The following SNCAIP variants were observed in gnomAD, a reference collection of about 807,000 sequenced individuals.
SNCAIP encodes the protein synphilin-1.
SNCAIP carries 43 observed loss-of-function variants against 86.7 expected under a neutral mutation model. The ratio of observed to expected loss-of-function variants is 0.50; its 90% CI spans 0.39 to 0.64. SNCAIP has a LOEUF of 0.64. SNCAIP is among the 30% of genes least tolerant of loss of function. The pLI, the probability that SNCAIP is intolerant of heterozygous loss-of-function variation, is 0.00. For missense variants in SNCAIP, 981 were observed against 1,103.1 expected (o/e 0.89, Z 1.57); for synonymous variants, 417 against 427.2 (o/e 0.98, Z 0.29).
intron 1 of SNCAIP, among the ~76,000 whole-genome samples, chr5:122,361,182 A>AC (rs1762136597): frequency 6.6e-6 from 1 of 151,852 alleles, no homozygotes; most frequent in Non-Finnish European, 1.5e-5. Context: ...TTTTGAAAAA[A>AC]AAAAAAAAAA....
intron 3 of SNCAIP, among the ~76,000 whole-genome samples, chr5:122,406,071 A>C (rs1156846350): frequency 2.0e-5 from 3 of 152,180 alleles, no homozygotes; most frequent in Non-Finnish European, 2.9e-5. Flanking sequence ...GGGAAACTGC[A>C]TTCTGATAGA....
chr5:122,391,224 A>G (rs1482950878), intron 2 of SNCAIP, 33 bp downstream of exon 2: 1 of 1,458,456 alleles, frequency 6.9e-7, no homozygotes, highest in African/African-American at 1.4e-5. Flanking sequence ...AATGCTTTCA[A>G]GATAATCTGC....
chr5:122,409,114 A>C (rs1441609582), intron 3 of SNCAIP, among the ~76,000 whole-genome samples: 3 of 152,220 alleles, frequency 2.0e-5, no homozygotes, highest in African/African-American at 4.8e-5. Context: ...TAAAAAAGGA[A>C]GTTATTTGTG....
At chr5:122,367,740 CTG>C (rs1763472429) in intron 1 of SNCAIP, among the ~76,000 whole-genome samples, 1 of 152,064 alleles carries the variant, frequency 6.6e-6, no homozygotes, top group Non-Finnish European at 1.5e-5. Context: ...GCCTGTATTA[CTG>C]TGTGTGTGAT....
intron 1 of SNCAIP, among the ~76,000 whole-genome samples, chr5:122,386,683 T>C (rs1331694120): frequency 6.6e-6 from 1 of 152,204 alleles, no homozygotes; most frequent in African/African-American, 2.4e-5. Flanking sequence ...CCGAGCCCTG[T>C]GTCCCCACAT....
intron 1 of SNCAIP, among the ~76,000 whole-genome samples, chr5:122,390,180 A>C (rs545158630): frequency 1.3e-5 from 2 of 152,288 alleles, no homozygotes; most frequent in African/African-American, 4.8e-5. Context: ...TTTTTACAAT[A>C]AGAAAGACAA....
intron 1 of SNCAIP, among the ~76,000 whole-genome samples, chr5:122,376,288 C>T (rs1254032688): frequency 6.6e-6 from 1 of 152,126 alleles, no homozygotes; most frequent in East Asian, 1.9e-4. Flanking sequence ...AAATGGCAAT[C>T]AGGGTTGTGA....
In SNCAIP at chr5:122,463,758, A is replaced by G; in HGVS notation, c.*262A>G. The G allele has an allele frequency of 7.1e-6, 3 of 420,926 alleles. No individual in the cohort carries two copies. The highest frequency in any genetic ancestry group is 4.1e-5 in the Admixed American group (1 of 24,618). 26.1% of individuals were successfully genotyped at this position (420,926 alleles called of 1,614,324 possible). A position where few individuals can be genotyped will look rare whatever the true frequency, so the allele number is the denominator to read the frequency against. ...TCATTTTGGGGTGATATCTGTATAT[A>G]TAACTTGTTTTTTTAAAAGATGCCG... On this transcript the variant is annotated 3_prime_UTR_variant, in exon 11 of 11. Transcript: ENST00000261368.
chr5:122,374,210 T>C (rs551398042), intron 1 of SNCAIP, among the ~76,000 whole-genome samples: 66 of 152,294 alleles, frequency 4.3e-4, no homozygotes, highest in Non-Finnish European at 7.8e-4. Context: ...GAAATTGAAA[T>C]CCTTAGAGGG....
Position 122,395,088 on chromosome 5 carries a change from T to C in SNCAIP, c.57+3897T>C, listed in dbSNP as rs545772990. On this transcript the variant is annotated intron_variant, in intron 2 of 10. Coordinates refer to ENST00000261368, the MANE Select transcript of SNCAIP (RefSeq NM_005460.4). ...TATCCCTGATTGGCACTGTAGTGAT[T>C]ACAAATTGTTTTTTGGAAGTAAAGG... Among the ~76,000 whole-genome samples, 5 of 152,270 alleles carry C rather than the reference T, an allele frequency of 3.3e-5. No individual in the cohort carries two copies. The South Asian group carries it at 1.0e-3, about 32-fold the overall frequency.
At chr5:122,461,856 A>G (rs1199081436) in intron 10 of SNCAIP, among the ~76,000 whole-genome samples, 2 of 151,926 alleles carry the variant, frequency 1.3e-5, no homozygotes, top group African/African-American at 4.8e-5. Context: ...TTTGGTAGAG[A>G]CAGGGTTTCG....
chr5:122,354,705 A>G (rs1760654435), intron 1 of SNCAIP, among the ~76,000 whole-genome samples: 1 of 152,364 alleles, frequency 6.6e-6, no homozygotes, highest in Non-Finnish European at 1.5e-5. Flanking sequence ...GAGTTTAAAC[A>G]TGAGCAAAAA....
chr5:122,376,433 A>G (rs1333876772), intron 1 of SNCAIP, among the ~76,000 whole-genome samples: 1 of 152,192 alleles, frequency 6.6e-6, no homozygotes, highest in Non-Finnish European at 1.5e-5. Flanking sequence ...TAAGGGCTCC[A>G]GTTCCCAGAT....
intron 3 of SNCAIP, among the ~76,000 whole-genome samples, chr5:122,407,334 G>A (rs1310064918): frequency 6.6e-6 from 1 of 152,196 alleles, no homozygotes; most frequent in Admixed American, 6.5e-5. Flanking sequence ...CCAGGAATGA[G>A]CTTAGCAAGT....
At chr5:122,379,750 G>C (rs1219909622) in intron 1 of SNCAIP, among the ~76,000 whole-genome samples, 61 of 148,776 alleles carry the variant, frequency 4.1e-4, no homozygotes, top group African/African-American at 1.4e-3. Flanking sequence ...TTAGCATGAA[G>C]GGTTGTTGAA....
chr5:122,364,561 G>T (rs1468732877), intron 1 of SNCAIP, among the ~76,000 whole-genome samples: 2 of 152,154 alleles, frequency 1.3e-5, no homozygotes, highest in Admixed American at 6.5e-5. Flanking sequence ...TGTGTTATTT[G>T]TACCACCACA....
At chr5:122,389,158 G>A (rs1246677659) in intron 1 of SNCAIP, 4 of 152,110 alleles carry the variant, frequency 2.6e-5, no homozygotes, top group Non-Finnish European at 5.9e-5. Flanking sequence ...GGGGTGCAAT[G>A]GTTATTTGTT....
chr5:122,420,494 G>A (rs1210505305), intron 3 of SNCAIP, among the ~76,000 whole-genome samples: 2 of 152,030 alleles, frequency 1.3e-5, no homozygotes, highest in Non-Finnish European at 2.9e-5. Context: ...ATTTTCTAGA[G>A]CTTCCAAAGA....
intron 1 of SNCAIP, among the ~76,000 whole-genome samples, chr5:122,338,783 C>G (rs534655782): frequency 1.8e-3 from 279 of 152,242 alleles, no homozygotes; most frequent in African/African-American, 6.3e-3. Flanking sequence ...TTGCCCAAAT[C>G]TTTAAAAGAA....
Sources: allele counts gnomAD v4.1 joint callset (sites outside exome capture counted in the v4.1 genomes callset), GRCh38; gene constraint gnomAD v4.1.1; transcripts MANE v1.5; gene names NCBI Gene and HGNC (gene_info 2026-07-23, HGNC 2026-07-21).